Variants in RNF144A observed in about 807,000 individuals in gnomAD.
RNF144A encodes E3 ubiquitin-protein ligase RNF144A.
RNF144A carries 11 observed loss-of-function variants against 38.7 expected under a neutral mutation model. That is an observed-to-expected ratio of 0.28 (90% CI 0.18 to 0.47). RNF144A has a LOEUF of 0.47. Among genes scored for constraint, RNF144A ranks in the 20% least tolerant of loss-of-function variants. RNF144A has a pLI of 0.99. For synonymous variants in RNF144A, 149 were observed against 143.9 expected (o/e 1.04, Z -0.25); for missense variants, 316 against 377.2 (o/e 0.84, Z 1.34).
rs1002095094 is a variant in RNF144A at position 6,944,302 on chromosome 2, G to T, written c.-12+3155G>T. Among the ~76,000 whole-genome samples the T allele has an allele frequency of 2.0e-5, 3 of 152,186 alleles. No individual in the cohort carries two copies. Among genetic ancestry groups the T allele is most frequent in the African/African-American group, 7.2e-5 (3 of 41,432 alleles). On this transcript the variant is annotated intron_variant, in intron 2 of 8. Coordinates refer to ENST00000320892, the MANE Select transcript of RNF144A (RefSeq NM_014746.6). The surrounding 1 kb of genome is among the most constrained non-coding windows in gnomAD (Gnocchi z 4.7). ...TGTGGGGTGTCTGCGGGTGCTGCAA[G>T]TTCCAGTGTTCCTCCCAAAGGCTCG...
At chr2:7,017,302 GT>G (rs66717194) in intron 5 of RNF144A, among the ~76,000 whole-genome samples, 9,784 of 139,364 alleles carry the variant, frequency 0.07, 396 homozygotes, top group African/African-American at 0.12. Flanking sequence ...ACCGTGTATT[GT>G]TTTTTTTTTT....
intron 6 of RNF144A, among the ~76,000 whole-genome samples, chr2:7,059,530 C>G (rs76018007): frequency 4.6e-5 from 7 of 152,186 alleles, no homozygotes; most frequent in Non-Finnish European, 1.0e-4. Context: ...ATCAAACATA[C>G]AGAGAGAAAC....
At chr2:6,950,668 A>G (rs1354711863) in intron 2 of RNF144A, among the ~76,000 whole-genome samples, 1 of 152,260 alleles carries the variant, frequency 6.6e-6, no homozygotes, top group Non-Finnish European at 1.5e-5. Flanking sequence ...TCAGCAGTGA[A>G]TAAGAGTTTC....
chr2:6,984,679 A>G (rs1335190296), intron 2 of RNF144A, among the ~76,000 whole-genome samples: 1 of 152,170 alleles, frequency 6.6e-6, no homozygotes, highest in Non-Finnish European at 1.5e-5. Flanking sequence ...CTTTTAACTC[A>G]TGTTTTATTC....
At chr2:6,924,786 T>C (rs943078080) in intron 1 of RNF144A, among the ~76,000 whole-genome samples, 2 of 152,236 alleles carry the variant, frequency 1.3e-5, no homozygotes, top group African/African-American at 4.8e-5. Flanking sequence ...TGCTGTGAAG[T>C]GTGTGAGGAG....
chr2:7,065,654 T>G (rs1008557299), intron 6 of RNF144A, among the ~76,000 whole-genome samples: 2 of 152,226 alleles, frequency 1.3e-5, no homozygotes, highest in Non-Finnish European at 2.9e-5. Context: ...CTTTGGCAAT[T>G]GCATAATTAT....
At chr2:6,923,497 T>C (rs550141059) in intron 1 of RNF144A, among the ~76,000 whole-genome samples, 106 of 152,372 alleles carry the variant, frequency 7.0e-4, no homozygotes, top group African/African-American at 2.3e-3. Context: ...CAGCAGCTGC[T>C]GACGTGTGCC....
chr2:6,961,213 T>A (rs1317105088), intron 2 of RNF144A, among the ~76,000 whole-genome samples: 4 of 152,190 alleles, frequency 2.6e-5, no homozygotes, highest in Non-Finnish European at 5.9e-5. Context: ...GGTTACTTCT[T>A]ACTGCATCAC....
chr2:6,972,526 G>A lies in RNF144A; in HGVS notation c.-11-24390G>A, dbSNP rs554085009. Among the ~76,000 whole-genome samples the A allele has an allele frequency of 3.9e-5, 6 of 152,284 alleles. No individual in the cohort carries two copies. The South Asian group carries it at 1.2e-3, about 32-fold the overall frequency. On this transcript the variant is annotated intron_variant, in intron 2 of 8. Coordinates refer to ENST00000320892, the MANE Select transcript of RNF144A (RefSeq NM_014746.6). The stretch of plus-strand genomic sequence containing the variant: ...AGCTAATTGCTGTTTCTTGGAGTGG[G>A]GCTGTGGGATTGGAAGATTCCCCTT...
chr2:6,997,125 G>T, intron 3 of RNF144A, 64 bp downstream of exon 3: 7 of 1,539,678 alleles, frequency 4.5e-6, no homozygotes, highest in Non-Finnish European at 6.3e-6. Context: ...GCTTTCATTT[G>T]CAGAGACACT....
intron 2 of RNF144A, among the ~76,000 whole-genome samples, chr2:6,995,481 A>G (rs1473091090): frequency 1.3e-5 from 2 of 152,238 alleles, no homozygotes; most frequent in African/African-American, 4.8e-5. Flanking sequence ...ACAGTAGGCC[A>G]TCTGCAAGCT....
chr2:7,008,972 C>T (rs768498045), intron 3 of RNF144A, among the ~76,000 whole-genome samples: 4 of 152,216 alleles, frequency 2.6e-5, no homozygotes, highest in Non-Finnish European at 5.9e-5. Flanking sequence ...GAGTGTTTAA[C>T]ACAAAATCAT....
chr2:7,017,965 C>A (rs542300997), intron 5 of RNF144A, among the ~76,000 whole-genome samples: 1 of 152,162 alleles, frequency 6.6e-6, no homozygotes, highest in Non-Finnish European at 1.5e-5. Context: ...AGATTTAAAT[C>A]GTTCCCATGG....
At chr2:7,053,170 A>G (rs1252764623) in intron 6 of RNF144A, among the ~76,000 whole-genome samples, 1 of 152,180 alleles carries the variant, frequency 6.6e-6, no homozygotes, top group Non-Finnish European at 1.5e-5. Context: ...GCATCTATCT[A>G]CCGTTTCTAA....
chr2:6,961,268 C>A (rs1445696596), intron 2 of RNF144A, among the ~76,000 whole-genome samples: 4 of 151,964 alleles, frequency 2.6e-5, no homozygotes, highest in Non-Finnish European at 5.9e-5. Context: ...TTGCGATTAT[C>A]TTTATGATAA....
At chr2:6,949,215 G>A (rs937532741) in intron 2 of RNF144A, among the ~76,000 whole-genome samples, 1 of 152,194 alleles carries the variant, frequency 6.6e-6, no homozygotes, top group Non-Finnish European at 1.5e-5. Context: ...TGAAGAGCCT[G>A]CTGTTAAACA....
In RNF144A at chr2:6,958,961, G is replaced by C. The variant is rs1558384064; in HGVS notation, c.-12+17814G>C. ...AAATGGTGCATTAGATCATCTTGCA[G>C]GTGCAGCGTGGGCGTCCAGTTACTG... On this transcript the variant is annotated intron_variant, in intron 2 of 8. Transcript: ENST00000320892. This position sits in a 1 kb window ranked among gnomAD's most constrained non-coding sequence, Gnocchi z 4.5. Among the ~76,000 whole-genome samples the C allele has an allele frequency of 6.6e-6, 1 of 152,202 alleles. No homozygotes were observed. Among genetic ancestry groups the C allele is most frequent in the Non-Finnish European group, 1.5e-5 (1 of 68,036 alleles).
chr2:6,994,642 C>A (rs1190201438), intron 2 of RNF144A, among the ~76,000 whole-genome samples: 2 of 152,168 alleles, frequency 1.3e-5, no homozygotes, highest in Non-Finnish European at 2.9e-5. Flanking sequence ...TATCTCACTC[C>A]TCAGGACCCA....
At chr2:7,024,593 T>G in intron 7 of RNF144A, 77 bp downstream of exon 7, 1 of 1,521,974 alleles carries the variant, frequency 6.6e-7, no homozygotes, top group Non-Finnish European at 8.9e-7. Context: ...ATAGACCAGC[T>G]GTTTCCTAAA....
Sources: gnomAD v4.1 joint callset for allele counts (sites outside exome capture counted in the v4.1 genomes callset) on GRCh38, gnomAD v4.1.1 for gene constraint, Gnocchi (gnomAD v3.1) non-coding constraint, MANE v1.5 for transcripts, NCBI Gene and HGNC (gene_info 2026-07-23, HGNC 2026-07-21) for gene names.